The following CACNA1E variants were observed in gnomAD, a reference collection of about 807,000 sequenced individuals.
The protein encoded by CACNA1E is voltage-dependent R-type calcium channel subunit alpha-1E.
CACNA1E carries 40 observed loss-of-function variants against 259.2 expected under a neutral mutation model. The observed-to-expected ratio is 0.15, with a 90% CI of 0.12 to 0.20. The LOEUF is 0.20. Among genes scored for constraint, CACNA1E ranks in the 10% least tolerant of loss-of-function variants. The probability of loss-of-function intolerance (pLI) is 1.00; values close to 1 mark genes in which losing one functional copy is unlikely to be tolerated. For missense variants in CACNA1E, 1,874 were observed against 3,040.1 expected (o/e 0.62, Z 9.02); for synonymous variants, 1,104 against 1,138.5 (o/e 0.97, Z 0.61).
At chr1:181,612,696 C>T (rs1040145500) in intron 6 of CACNA1E, among the ~76,000 whole-genome samples, 3 of 152,156 alleles carry the variant, frequency 2.0e-5, no homozygotes, top group Non-Finnish European at 4.4e-5. Context: ...GACTCATGCA[C>T]AGAGATATCA....
At chr1:181,352,731 G>T (rs750607219) in intron 1 of CACNA1E, among the ~76,000 whole-genome samples, 34 of 152,302 alleles carry the variant, frequency 2.2e-4, no homozygotes, top group Non-Finnish European at 4.6e-4. Context: ...TTTGTGGGTG[G>T]AGGTGGTGGT....
At chr1:181,486,847 C>T (rs1663861122) in intron 1 of CACNA1E, among the ~76,000 whole-genome samples, 1 of 152,078 alleles carries the variant, frequency 6.6e-6, no homozygotes, top group African/African-American at 2.4e-5. Context: ...AGATTCTTGC[C>T]TCTCAAAGAG....
chr1:181,627,798 A>G (rs1218650262), intron 6 of CACNA1E, among the ~76,000 whole-genome samples: 1 of 152,308 alleles, frequency 6.6e-6, no homozygotes, highest in South Asian at 2.1e-4. Context: ...TTGTGATACA[A>G]TAATCTCATT....
chr1:181,640,202 C>T (rs184675722), intron 6 of CACNA1E, among the ~76,000 whole-genome samples: 39 of 152,348 alleles, frequency 2.6e-4, no homozygotes, highest in Admixed American at 5.9e-4. Context: ...TTGTGCACAT[C>T]TGTAGCTCAG....
chr1:181,674,596 G>A (rs942143641), intron 7 of CACNA1E, among the ~76,000 whole-genome samples: 5 of 152,104 alleles, frequency 3.3e-5, no homozygotes, highest in African/African-American at 1.2e-4. Context: ...TCATCTGAAT[G>A]TTCCATGCCC....
chr1:181,346,529 A>G (rs1652604767), intron 1 of CACNA1E, among the ~76,000 whole-genome samples: 1 of 152,310 alleles, frequency 6.6e-6, no homozygotes, highest in Non-Finnish European at 1.5e-5. Context: ...CTTGTAGGCT[A>G]CATTATAGGT....
chr1:181,643,011 G>T (rs1190290042), intron 6 of CACNA1E, among the ~76,000 whole-genome samples: 1 of 151,664 alleles, frequency 6.6e-6, no homozygotes, highest in African/African-American at 2.4e-5. Flanking sequence ...CCCCCCACAG[G>T]TTATCATCAC....
At position 181,718,050 on chromosome 1, in the gene CACNA1E, TC is replaced by T; in HGVS notation, c.1526-3del. The T allele has an allele frequency of 6.8e-7, 1 of 1,477,642 alleles. No homozygotes were observed. The highest frequency in any genetic ancestry group is 9.5e-7 in the Non-Finnish European group (1 of 1,056,722). 91.5% of individuals were successfully genotyped at this position (1,477,642 alleles called of 1,614,324 possible). A position where few individuals can be genotyped will look rare whatever the true frequency, so the allele number is the denominator to read the frequency against. ...GAACCAATGCTCTACTTTTAATACT[TC>T]CAGACTATGCAGAATTTCTGTTTCT... On this transcript the variant is annotated splice_region_variant and splice_polypyrimidine_tract_variant and intron_variant, in intron 11 of 47. Coordinates refer to ENST00000367573, the MANE Select transcript of CACNA1E (RefSeq NM_001205293.3).
chr1:181,714,706 A>C (rs958893508), intron 8 of CACNA1E, among the ~76,000 whole-genome samples: 1 of 152,186 alleles, frequency 6.6e-6, no homozygotes, highest in African/African-American at 2.4e-5. Flanking sequence ...ATACTTTTTA[A>C]ATTTTATCTT....
At chr1:181,596,265 C>T (rs1653147018) in intron 6 of CACNA1E, among the ~76,000 whole-genome samples, 1 of 152,112 alleles carries the variant, frequency 6.6e-6, no homozygotes, top group African/African-American at 2.4e-5. Flanking sequence ...GGGAAGCAGC[C>T]TCCTGTGGAC....
At chr1:181,375,178 G>T (rs1655013720) in intron 1 of CACNA1E, among the ~76,000 whole-genome samples, 2 of 152,208 alleles carry the variant, frequency 1.3e-5, no homozygotes, top group African/African-American at 4.8e-5. Context: ...AAAAATAGTT[G>T]CTCTGAAGAA....
In CACNA1E at chr1:181,567,165, C is replaced by T. The variant is rs145662685; in HGVS notation, c.513-10601C>T. On this transcript the variant is annotated intron_variant, in intron 3 of 47. Transcript: ENST00000367573. ...GCATATATTGAGACCACTTCATACC[C>T]GCTAGGATTTTTCTGAAATTTAATT... Among the ~76,000 whole-genome samples, 14 of 152,194 alleles carry T rather than the reference C, an allele frequency of 9.2e-5. 1 individual carries two copies. The East Asian group carries it at 2.1e-3, about 23-fold the overall frequency.
chr1:181,387,607 A>G (rs1655946595), intron 1 of CACNA1E, among the ~76,000 whole-genome samples: 1 of 152,188 alleles, frequency 6.6e-6, no homozygotes, highest in African/African-American at 2.4e-5. Context: ...CACGGTGCCC[A>G]GGGCTAGTTC....
At chr1:181,385,279 T>C (rs1402092602) in intron 1 of CACNA1E, among the ~76,000 whole-genome samples, 1 of 152,194 alleles carries the variant, frequency 6.6e-6, no homozygotes, top group Admixed American at 6.5e-5. Flanking sequence ...GTGCAAGTAA[T>C]AAAAATCATT....
chr1:181,585,645 T>C (rs933726584), intron 6 of CACNA1E, among the ~76,000 whole-genome samples: 1 of 152,282 alleles, frequency 6.6e-6, no homozygotes, highest in East Asian at 1.9e-4. Context: ...ATTGAGAAGA[T>C]GGCATTCGAA....
intron 2 of CACNA1E, among the ~76,000 whole-genome samples, chr1:181,441,141 A>T (rs1660447908): frequency 6.6e-6 from 1 of 152,090 alleles, no homozygotes; most frequent in Admixed American, 6.5e-5. Context: ...TAATCGGCTA[A>T]GTTAACAATT....
chr1:181,784,801 G>C, intron 41 of CACNA1E, 33 bp downstream of exon 41: 1 of 1,293,146 alleles, frequency 7.7e-7, no homozygotes, highest in Non-Finnish European at 1.1e-6. Flanking sequence ...CCTTGTCACT[G>C]TGGGCCCAGC....
At chr1:181,504,278 AC>A (rs565527448) in intron 1 of CACNA1E, among the ~76,000 whole-genome samples, 2 of 151,554 alleles carry the variant, frequency 1.3e-5, no homozygotes, top group South Asian at 4.2e-4. Context: ...ACTCTTCTAT[AC>A]CCCCCCAGGA....
chr1:181,601,349 C>A (rs1008028365), intron 6 of CACNA1E, among the ~76,000 whole-genome samples: 1 of 152,208 alleles, frequency 6.6e-6, no homozygotes, highest in African/African-American at 2.4e-5. Flanking sequence ...GTGCTAGACA[C>A]TGCTCAGAAC....
Sources: allele counts gnomAD v4.1 joint callset (sites outside exome capture counted in the v4.1 genomes callset), GRCh38; gene constraint gnomAD v4.1.1; transcripts MANE v1.5; gene names NCBI Gene and HGNC (gene_info 2026-07-23, HGNC 2026-07-21).